Variants in NTRK2 observed in about 807,000 individuals in gnomAD.
NTRK2 encodes BDNF/NT-3 growth factors receptor.
NTRK2 carries 13 observed loss-of-function variants against 94.5 expected under a neutral mutation model. The observed-to-expected ratio is 0.14, with a 90% CI of 0.09 to 0.22. The LOEUF is 0.22. NTRK2 is among the 10% of genes least tolerant of loss of function. The pLI is 1.00. For synonymous variants in NTRK2, 372 were observed against 407.4 expected (o/e 0.91, Z 1.05); for missense variants, 639 against 1,071.2 (o/e 0.60, Z 5.63).
chr9:84,751,913 A>G (rs2132494062), intron 11 of NTRK2, 73 bp from the exon 12 acceptor site: 1 of 1,147,058 alleles, frequency 8.7e-7, no homozygotes, highest in East Asian at 2.4e-5. Flanking sequence ...TATCATCGTC[A>G]TGATCATCAT....
intron 2 of NTRK2, among the ~76,000 whole-genome samples, chr9:84,682,125 C>T (rs2059425660): frequency 6.6e-6 from 1 of 152,178 alleles, no homozygotes; most frequent in South Asian, 2.1e-4. Flanking sequence ...TTGGCCCAGA[C>T]TTGTATCCCC....
At chr9:84,722,982 A>C (rs940588742) in intron 6 of NTRK2, among the ~76,000 whole-genome samples, 14 of 152,368 alleles carry the variant, frequency 9.2e-5, no homozygotes, top group Admixed American at 7.8e-4. Context: ...GAAACTTTCT[A>C]ACACTGCAAT....
In NTRK2 at chr9:84,816,778, C is replaced by CAAAAAAAAAAAA. The variant is rs61094948; in HGVS notation, c.1397-44252_1397-44241dup. 5.0e-4 allele frequency among the ~76,000 whole-genome samples: 41 copies of CAAAAAAAAAAAA among 82,592 alleles called. 1 individual carries two copies. Among genetic ancestry groups the CAAAAAAAAAAAA allele is most frequent in the Non-Finnish European group, 7.2e-4 (31 of 43,024 alleles). 54.2% of individuals were successfully genotyped at this position (82,592 alleles called of 152,430 possible). On this transcript the variant is annotated intron_variant, in intron 12 of 18. Transcript: ENST00000277120. Reference sequence around the variant, plus strand: ...TGGATGACACAGCAAGACTCCATCTCAAAAAAAAAAAAAAAAAAAAAGAAA... The same window carrying CAAAAAAAAAAAA: ...TGGATGACACAGCAAGACTCCATCTCAAAAAAAAAAAAAAAAAAAAAAAAAAAAAAAAAGAAA...
intron 17 of NTRK2, among the ~76,000 whole-genome samples, chr9:84,983,738 G>T (rs977290884): frequency 4.6e-5 from 7 of 152,032 alleles, no homozygotes; most frequent in Admixed American, 2.6e-4. Flanking sequence ...CTGCCCCTCC[G>T]CCCCCACACA....
At chr9:84,869,723 G>A (rs1038844388) in intron 14 of NTRK2, among the ~76,000 whole-genome samples, 4 of 152,044 alleles carry the variant, frequency 2.6e-5, no homozygotes, top group African/African-American at 9.7e-5. Flanking sequence ...AGGACGTGGT[G>A]TACCTTTGAT....
At position 85,024,547 on chromosome 9, in the gene NTRK2, T is replaced by C. The variant is rs1832938083; in HGVS notation, c.*3110T>C. 1 of 232,878 alleles carries C rather than the reference T, an allele frequency of 4.3e-6. No homozygotes were observed. The highest frequency in any genetic ancestry group is 2.2e-5 in the African/African-American group (1 of 45,344). 14.4% of individuals were successfully genotyped at this position (232,878 alleles called of 1,614,324 possible). ...CACGCTAGAGGTCTCCAGCCTAGCTTCCAGCACCATTGGGACTGAATCCAA... is the reference window on the plus strand; with the variant it reads ...CACGCTAGAGGTCTCCAGCCTAGCTCCCAGCACCATTGGGACTGAATCCAA... On this transcript the variant is annotated 3_prime_UTR_variant, in exon 19 of 19. Transcript: ENST00000277120.
intron 12 of NTRK2, among the ~76,000 whole-genome samples, chr9:84,778,369 G>A (rs2067255327): frequency 2.0e-5 from 3 of 152,178 alleles, no homozygotes; most frequent in Admixed American, 2.0e-4. Context: ...CTCTCCTATG[G>A]AAGGGCCTGT....
intron 12 of NTRK2, among the ~76,000 whole-genome samples, chr9:84,835,983 C>T (rs922298627): frequency 2.0e-5 from 3 of 152,102 alleles, no homozygotes; most frequent in African/African-American, 7.2e-5. Context: ...TGGCATGGCT[C>T]GTGTATTGTG....
intron 17 of NTRK2, among the ~76,000 whole-genome samples, chr9:84,970,647 C>T (rs1336231496): frequency 6.6e-6 from 1 of 152,134 alleles, no homozygotes; most frequent in Admixed American, 6.5e-5. Context: ...GAATTCAGCC[C>T]ACATTACTCC....
intron 14 of NTRK2, among the ~76,000 whole-genome samples, chr9:84,926,217 TCTTTC>T (rs1240533488): frequency 7.4e-6 from 1 of 135,544 alleles, no homozygotes; most frequent in East Asian, 2.2e-4. Context: ...TTTCTTTCTT[TCTTTC>T]TTTCTTTCTT....
intron 12 of NTRK2, among the ~76,000 whole-genome samples, chr9:84,835,034 T>G (rs1036271176): frequency 2.0e-5 from 3 of 152,120 alleles, no homozygotes; most frequent in Admixed American, 2.0e-4. Flanking sequence ...CTTGGGTAGG[T>G]GATATTCCTT....
intron 2 of NTRK2, among the ~76,000 whole-genome samples, chr9:84,693,050 T>C (rs1392290716): frequency 6.6e-6 from 1 of 152,198 alleles, no homozygotes; most frequent in Non-Finnish European, 1.5e-5. Context: ...GCTGGTTCAG[T>C]TTCATGGACC....
intron 4 of NTRK2, among the ~76,000 whole-genome samples, chr9:84,702,879 G>A (rs7040316): frequency 0.019 from 2,878 of 152,256 alleles, 111 homozygotes; most frequent in African/African-American, 0.066. Context: ...TCCCAAAGCC[G>A]TCTGTCATGG....
intron 10 of NTRK2, 109 bp downstream of exon 10, chr9:84,742,036 A>T: frequency 1.0e-6 from 1 of 977,476 alleles, no homozygotes; most frequent in Non-Finnish European, 1.6e-6. Context: ...TTACACTTTA[A>T]GCATTACATA....
chr9:84,791,779 G>T (rs1421585707), intron 12 of NTRK2, among the ~76,000 whole-genome samples: 1 of 152,180 alleles, frequency 6.6e-6, no homozygotes, highest in Non-Finnish European at 1.5e-5. Flanking sequence ...TAGTGAGAAA[G>T]ACTTTTTTAG....
intron 4 of NTRK2, among the ~76,000 whole-genome samples, chr9:84,706,527 G>GTTTTTT (rs71369141): frequency 3.9e-3 from 321 of 81,630 alleles, no homozygotes; most frequent in African/African-American, 4.3e-3. Context: ...TTTTGTTTTT[G>GTTTTTT]TTTTTTTTTT....
chr9:84,794,353 G>A (rs576508388), intron 12 of NTRK2, among the ~76,000 whole-genome samples: 37 of 152,358 alleles, frequency 2.4e-4, no homozygotes, highest in Middle Eastern at 3.4e-3. Flanking sequence ...GGCATAGGTT[G>A]CAGGTTGCTC....
chr9:84,719,912 C>T (rs1185364898), intron 6 of NTRK2, among the ~76,000 whole-genome samples: 1 of 150,304 alleles, frequency 6.7e-6, no homozygotes, highest in African/African-American at 2.5e-5. Context: ...CCCAGCTACT[C>T]AGGAGCCTGA....
intron 2 of NTRK2, among the ~76,000 whole-genome samples, chr9:84,676,960 A>T (rs373256901): frequency 3.3e-5 from 5 of 150,000 alleles, no homozygotes; most frequent in East Asian, 2.0e-4. Context: ...ACTGTGTGTG[A>T]GTGTGTGTGT....
Sources: gnomAD v4.1 joint callset for allele counts (sites outside exome capture counted in the v4.1 genomes callset) on GRCh38, gnomAD v4.1.1 for gene constraint, MANE v1.5 for transcripts, NCBI Gene and HGNC (gene_info 2026-07-23, HGNC 2026-07-21) for gene names.